Variants in CCDC178 observed in about 807,000 individuals in gnomAD.
The protein encoded by CCDC178 is coiled-coil domain containing 178.
Under a neutral mutation model 117.4 loss-of-function variants are expected in CCDC178, and 126 were observed. That is an observed-to-expected ratio of 1.07 (90% CI 0.93 to 1.24). The LOEUF (loss-of-function observed/expected upper bound fraction) is 1.24. Ranked by LOEUF, CCDC178 falls within the 50% of genes most tolerant of loss-of-function variation. The pLI is 0.00. For missense variants in CCDC178, 1,030 were observed against 986.9 expected, an observed-to-expected ratio of 1.04 and a Z score of -0.59; for synonymous variants, 283 against 313.4, an observed-to-expected ratio of 0.90 and a Z score of 1.02.
At chr18:33,331,552 G>A (rs916569669) in intron 10 of CCDC178, among the ~76,000 whole-genome samples, 1 of 152,068 alleles carries the variant, frequency 6.6e-6, no homozygotes, top group Admixed American at 6.5e-5. Context: ...ACCTATGTGA[G>A]GCAGTCTATT....
At chr18:33,271,324 T>C (rs1315668003) in intron 12 of CCDC178, among the ~76,000 whole-genome samples, 1 of 151,246 alleles carries the variant, frequency 6.6e-6, no homozygotes, top group Non-Finnish European at 1.5e-5. Flanking sequence ...AAGGAAATGG[T>C]CCTATCATAT....
At chr18:33,162,970 G>C (rs1037089266) in intron 20 of CCDC178, among the ~76,000 whole-genome samples, 3 of 152,054 alleles carry the variant, frequency 2.0e-5, no homozygotes, top group African/African-American at 7.2e-5. Context: ...TTGGTAGGTC[G>C]AATGGTAGTT....
intron 11 of CCDC178, among the ~76,000 whole-genome samples, 192 bp from the exon 12 acceptor site, chr18:33,293,504 A>G (rs920618877): frequency 3.3e-5 from 5 of 152,034 alleles, no homozygotes; most frequent in Non-Finnish European, 5.9e-5. Flanking sequence ...TACAAAAAAA[A>G]AAAATTGAAA....
At chr18:33,391,868 C>CT (rs796905844) in intron 4 of CCDC178, among the ~76,000 whole-genome samples, 101 of 144,708 alleles carry the variant, frequency 7.0e-4, no homozygotes, top group Middle Eastern at 3.6e-3. Context: ...ACAAATAATT[C>CT]TTTTTTTTTT....
chr18:33,052,326 C>G (rs1049566993), intron 21 of CCDC178, among the ~76,000 whole-genome samples: 5 of 152,112 alleles, frequency 3.3e-5, no homozygotes, highest in Non-Finnish European at 5.9e-5. Context: ...GCATGTCAGA[C>G]AAAAGCTGCA....
chr18:33,017,728 A>AT (rs1021614737), intron 21 of CCDC178, among the ~76,000 whole-genome samples: 49 of 152,092 alleles, frequency 3.2e-4, no homozygotes, highest in Admixed American at 2.4e-3. Flanking sequence ...TGGTAGTGAT[A>AT]TAAGTATAGA....
At chr18:33,438,724 C>T (rs1446599361) in intron 2 of CCDC178, among the ~76,000 whole-genome samples, 1 of 152,028 alleles carries the variant, frequency 6.6e-6, no homozygotes, top group Non-Finnish European at 1.5e-5. Context: ...ATATCATTAC[C>T]TCAATACAAA....
intron 20 of CCDC178, among the ~76,000 whole-genome samples, chr18:33,166,238 C>A (rs1373814398): frequency 6.6e-6 from 1 of 152,048 alleles, no homozygotes. Flanking sequence ...CAACACTGAA[C>A]AAATAAAGAA....
chr18:33,354,887 G>A (rs1484357665), intron 7 of CCDC178, among the ~76,000 whole-genome samples: 1 of 152,108 alleles, frequency 6.6e-6, no homozygotes, highest in East Asian at 1.9e-4. Flanking sequence ...TGGGATTACA[G>A]GCATGAGCCA....
chr18:33,388,580 C>T (rs1247600796), intron 5 of CCDC178, among the ~76,000 whole-genome samples: 5 of 104,900 alleles, frequency 4.8e-5, no homozygotes, highest in African/African-American at 7.3e-5. Context: ...AGTGCAGTGG[C>T]GGGATCTCGG....
At chr18:33,185,180 T>C (rs2058776165) in intron 20 of CCDC178, among the ~76,000 whole-genome samples, 1 of 151,834 alleles carries the variant, frequency 6.6e-6, no homozygotes, top group African/African-American at 2.4e-5. Context: ...GGGAAAGGGG[T>C]GTGCTCATCC....
chr18:33,208,879 T>C (rs1161107157), intron 20 of CCDC178, among the ~76,000 whole-genome samples: 1 of 151,960 alleles, frequency 6.6e-6, no homozygotes, highest in African/African-American at 2.4e-5. Flanking sequence ...GAATGGGAGA[T>C]TGTCTCTACT....
chr18:33,227,846 T>C (rs918221424), intron 15 of CCDC178, among the ~76,000 whole-genome samples: 1 of 152,124 alleles, frequency 6.6e-6, no homozygotes, highest in Admixed American at 6.6e-5. Context: ...TGATATATCA[T>C]TTTACTTAAG....
chr18:33,126,973 A>G (rs1432205553), intron 20 of CCDC178, among the ~76,000 whole-genome samples: 1 of 144,148 alleles, frequency 6.9e-6, no homozygotes, highest in Non-Finnish European at 1.5e-5. Context: ...TGTATTTTTT[A>G]TCTGCATTTG....
At chr18:32,980,432 G>A (rs1484222134) in intron 21 of CCDC178, among the ~76,000 whole-genome samples, 1 of 151,704 alleles carries the variant, frequency 6.6e-6, no homozygotes, top group Non-Finnish European at 1.5e-5. Context: ...TTAGCCGGGC[G>A]CAGTGGCGGG....
intron 20 of CCDC178, among the ~76,000 whole-genome samples, chr18:33,143,957 A>G (rs1370148077): frequency 6.6e-6 from 1 of 152,076 alleles, no homozygotes; most frequent in Non-Finnish European, 1.5e-5. Flanking sequence ...CATTAAAATA[A>G]ATATCAATGA....
At chr18:33,393,596 A>G (rs916657963) in intron 4 of CCDC178, among the ~76,000 whole-genome samples, 12 of 152,124 alleles carry the variant, frequency 7.9e-5, no homozygotes, top group Non-Finnish European at 1.5e-4. Context: ...TGCATCGAGT[A>G]TGTTTTATCT....
intron 4 of CCDC178, among the ~76,000 whole-genome samples, chr18:33,394,830 T>C (rs532586770): frequency 1.3e-5 from 2 of 150,176 alleles, no homozygotes; most frequent in Non-Finnish European, 3.0e-5. Flanking sequence ...TATAAATGTA[T>C]AATTCAATAC....
chr18:33,215,652 C>A lies in CCDC178; in HGVS notation c.1976G>T (p.Ser659Ile). The change falls in exon 19 of 23, where the codon AGT becomes ATT. Residue 659 changes from serine to isoleucine, a missense_variant. By Grantham distance (142) the Ser-to-Ile change is moderately radical (BLOSUM62 -2). Transcript: ENST00000383096. The stretch of plus-strand genomic sequence containing the variant: ...TTTTGCATAAAAAATCATTGTCTTA[C>A]TTTTAGTTGCTTCTAGGTCTTTAAA... Reference protein sequence around the residue: ...AIFKDLEATKSKTMIFYAKIN... With the variant: ...AIFKDLEATKIKTMIFYAKIN... 1 of 1,534,956 alleles carries A rather than the reference C, an allele frequency of 6.5e-7. No homozygotes were observed. The highest frequency in any genetic ancestry group is 8.7e-7 in the Non-Finnish European group (1 of 1,148,074).
Sources: allele counts gnomAD v4.1 joint callset (sites outside exome capture counted in the v4.1 genomes callset), GRCh38; gene constraint gnomAD v4.1.1; transcripts MANE v1.5; gene names NCBI Gene and HGNC (gene_info 2026-07-23, HGNC 2026-07-21).